The following ARID4A variants were observed in gnomAD, a reference collection of about 807,000 sequenced individuals.
ARID4A encodes AT-rich interaction domain 4A, also known as AT-rich interactive domain-containing protein 4A.
Under a neutral mutation model 148.6 loss-of-function variants are expected in ARID4A, and 39 were observed. The ratio of observed to expected loss-of-function variants is 0.26; its 90% CI spans 0.20 to 0.34. ARID4A has a LOEUF of 0.34. Ranked by LOEUF, ARID4A falls within the 10% of genes least tolerant of loss-of-function variation. The pLI, the probability that ARID4A is intolerant of heterozygous loss-of-function variation, is 1.00. For synonymous variants in ARID4A, 475 were observed against 481.2 expected, an observed-to-expected ratio of 0.99 and a Z score of 0.17; for missense variants, 1,265 against 1,449.1, an observed-to-expected ratio of 0.87 and a Z score of 2.06.
At chr14:58,344,808 T>C (rs1247451321) in intron 12 of ARID4A, 41 bp downstream of exon 12, 1 of 1,445,014 alleles carries the variant, frequency 6.9e-7, no homozygotes, top group African/African-American at 1.4e-5. Flanking sequence ...CATTTCTTTT[T>C]CATGTTTACA....
Position 58,329,536 on chromosome 14 carries a change from T to A in ARID4A, c.671T>A (p.Ile224Lys). The change falls in exon 10 of 24, where the codon ATA (isoleucine) becomes AAA (lysine). Residue 224 changes from isoleucine to lysine, a missense_variant. Physicochemically the swap from Ile to Lys is moderately radical, Grantham distance 102. Transcript: ENST00000355431. ...RSFIDSKFYS[I>K]ARKDIKEVDI... Reference sequence around the variant, plus strand: ...TTCTTCTTGATAATTAGTTACTCTATAGCAAGAAAGGACATTAAGGAAGTA... The same window carrying A: ...TTCTTCTTGATAATTAGTTACTCTAAAGCAAGAAAGGACATTAAGGAAGTA... 1 of 1,597,934 alleles carries A rather than the reference T, an allele frequency of 6.3e-7. No homozygotes were observed.
rs1333205840 is a variant in ARID4A, at chr14:58,328,278, G to A, written c.624G>A (p.Lys208=). ...PSCNDDITVK[K]DQCLVRSFID... ...GTAATGATGACATCACAGTGAAAAA[G>A]GATCAGTGTTTAGTTCGATCATTTA... is the stretch of plus-strand genomic sequence containing the variant. The change falls in exon 9 of 24, where the codon AAG becomes AAA. Residue 208 remains lysine (K), a synonymous_variant. Transcript: ENST00000355431. The A allele has an allele frequency of 6.2e-7, 1 of 1,604,866 alleles. No homozygotes were observed. Among genetic ancestry groups the A allele is most frequent in the Admixed American group, 1.7e-5 (1 of 59,874 alleles).
At position 58,339,215 on chromosome 14, in the gene ARID4A, G is replaced by C. The variant is rs188470440; in HGVS notation, c.907-5480G>C. Reference sequence around the variant, plus strand: ...TGGTCTAAAACCCCTGGGCTCAAGTGATCCTCCTGCCTGGCCCTCCCAAAG... The same window carrying C: ...TGGTCTAAAACCCCTGGGCTCAAGTCATCCTCCTGCCTGGCCCTCCCAAAG... On this transcript the variant is annotated intron_variant, in intron 11 of 23. Coordinates refer to ENST00000355431, the MANE Select transcript of ARID4A (RefSeq NM_002892.4). 2.2e-4 allele frequency among the ~76,000 whole-genome samples: 33 copies of C among 151,866 alleles called. No individual in the cohort carries two copies. The South Asian group carries it at 5.0e-3, about 23-fold the overall frequency.
intron 3 of ARID4A, among the ~76,000 whole-genome samples, chr14:58,302,985 C>T (rs1228305688): frequency 2.0e-5 from 3 of 151,782 alleles, no homozygotes; most frequent in Non-Finnish European, 2.9e-5. Context: ...TTTTAAGATG[C>T]TTTTACTCTG....
At chr14:58,299,732 C>CT in intron 1 of ARID4A, 66 bp from the exon 2 acceptor site, 1 of 1,393,862 alleles carries the variant, frequency 7.2e-7, no homozygotes, top group South Asian at 1.2e-5. Flanking sequence ...TGTTTACTTT[C>CT]TTTCCCTTGG....
intron 14 of ARID4A, among the ~76,000 whole-genome samples, 190 bp from the exon 15 acceptor site, chr14:58,347,457 A>G (rs548720077): frequency 1.3e-5 from 2 of 152,338 alleles, no homozygotes; most frequent in South Asian, 4.1e-4. Context: ...ACGTCTCAGG[A>G]CGGCATTTTA....
intron 7 of ARID4A, among the ~76,000 whole-genome samples, 178 bp downstream of exon 7, chr14:58,318,983 AATG>A (rs2032660001): frequency 6.6e-6 from 1 of 152,200 alleles, no homozygotes. Context: ...TTTGCCCAGG[AATG>A]ATAACAACTC....
At chr14:58,305,156 A>C in intron 4 of ARID4A, 147 bp downstream of exon 4, 1 of 612,094 alleles carries the variant, frequency 1.6e-6, no homozygotes, top group Non-Finnish European at 2.7e-6. Context: ...AATTAGTATA[A>C]ATTGTGATAT....
chr14:58,328,540 GT>G (rs76707430), intron 9 of ARID4A, among the ~76,000 whole-genome samples: 32 of 147,314 alleles, frequency 2.2e-4, no homozygotes, highest in East Asian at 4.0e-4. Context: ...ATTAAGAACA[GT>G]TTTTTTTTTA....
chr14:58,299,726 T>C, intron 1 of ARID4A, 72 bp from the exon 2 acceptor site: 1 of 1,374,972 alleles, frequency 7.3e-7, no homozygotes, highest in South Asian at 1.2e-5. Context: ...GGCGTTTGTT[T>C]ACTTTCTTTC....
chr14:58,356,191 T>C (rs564455365), intron 17 of ARID4A, among the ~76,000 whole-genome samples: 82 of 152,336 alleles, frequency 5.4e-4, no homozygotes, highest in African/African-American at 1.9e-3. Context: ...AGTACCTACA[T>C]GATATATTGC....
In ARID4A at chr14:58,371,083, T is replaced by A. The variant is rs367633962; in HGVS notation, c.3671-803T>A. 2.6e-5 allele frequency among the ~76,000 whole-genome samples: 4 copies of A among 151,922 alleles called. 1 individual carries two copies. On this transcript the variant is annotated intron_variant, in intron 23 of 23. Transcript: ENST00000355431. ...AGCAGGAAGATCACTTGAGTCCAGGTGTTTGAGACCAGCCTGGGCAACGTA... is the reference window on the plus strand; with the variant it reads ...AGCAGGAAGATCACTTGAGTCCAGGAGTTTGAGACCAGCCTGGGCAACGTA...
At chr14:58,329,671 C>G in intron 10 of ARID4A, 67 bp downstream of exon 10, 1 of 1,303,146 alleles carries the variant, frequency 7.7e-7, no homozygotes, top group Middle Eastern at 1.8e-4. Context: ...GCAAATAAAG[C>G]AAGACTGATA....
At chr14:58,353,982 T>A in intron 17 of ARID4A, 127 bp downstream of exon 17, 1 of 833,298 alleles carries the variant, frequency 1.2e-6, no homozygotes, top group East Asian at 2.7e-5. Context: ...GGTTCTGAAT[T>A]TTCCAAGACT....
At chr14:58,340,869 C>T (rs2034086090) in intron 11 of ARID4A, among the ~76,000 whole-genome samples, 1 of 152,216 alleles carries the variant, frequency 6.6e-6, no homozygotes, top group Non-Finnish European at 1.5e-5. Context: ...TAAATCTTAG[C>T]TCTCATACTC....
chr14:58,354,646 G>C (rs1227517935), intron 17 of ARID4A, among the ~76,000 whole-genome samples: 1 of 149,600 alleles, frequency 6.7e-6, no homozygotes, highest in Non-Finnish European at 1.5e-5. Flanking sequence ...TCATACCACT[G>C]TACTCCAGCC....
At chr14:58,315,654 T>C (rs1306963714) in intron 5 of ARID4A, among the ~76,000 whole-genome samples, 1 of 152,198 alleles carries the variant, frequency 6.6e-6, no homozygotes, top group Non-Finnish European at 1.5e-5. Flanking sequence ...AGAATTATAT[T>C]GTTTGGTTTG....
At chr14:58,320,478 C>T (rs1325656133) in intron 7 of ARID4A, among the ~76,000 whole-genome samples, 2 of 152,070 alleles carry the variant, frequency 1.3e-5, no homozygotes, top group African/African-American at 4.8e-5. Flanking sequence ...TTTATAGCGT[C>T]CCCCAGTTCC....
chr14:58,311,734 A>G (rs964134191), intron 5 of ARID4A, among the ~76,000 whole-genome samples: 2 of 152,232 alleles, frequency 1.3e-5, no homozygotes, highest in African/African-American at 4.8e-5. Flanking sequence ...ATATATATAC[A>G]TAATGGAATA....
Sources: allele counts gnomAD v4.1 joint callset (sites outside exome capture counted in the v4.1 genomes callset), GRCh38; gene constraint gnomAD v4.1.1; transcripts MANE v1.5; gene names NCBI Gene and HGNC (gene_info 2026-07-23, HGNC 2026-07-21).